Variants in TTBK1 observed in about 807,000 individuals in gnomAD.
The protein encoded by TTBK1 is tau tubulin kinase 1.
Under a neutral mutation model 108.5 loss-of-function variants are expected in TTBK1, and 34 were observed. The ratio of observed to expected loss-of-function variants is 0.31; its 90% CI spans 0.24 to 0.42. The LOEUF (loss-of-function observed/expected upper bound fraction) is 0.42, where lower values mean the gene tolerates loss of function less well. Ranked by LOEUF, TTBK1 falls within the 10% of genes least tolerant of loss-of-function variation. The pLI, the probability that TTBK1 is intolerant of heterozygous loss-of-function variation, is 1.00. For missense variants in TTBK1, 1,539 were observed against 1,826.0 expected (o/e 0.84, Z 2.86); for synonymous variants, 809 against 795.1 (o/e 1.02, Z -0.29).
In TTBK1 at chr6:43,246,778, T is replaced by C; in HGVS notation, c.108+10T>C. 2 of 1,602,718 alleles carry C rather than the reference T, an allele frequency of 1.2e-6. No individual in the cohort carries two copies. The highest frequency in any genetic ancestry group is 1.7e-6 in the Non-Finnish European group (2 of 1,173,518). On this transcript the variant is annotated intron_variant, in intron 2 of 14. Transcript: ENST00000259750. ...GGATCGCTGGAAGGTGGTGAGTGAGTGACCCGGCGGGACAGAGGGAGGGTA... is the reference window on the plus strand; with the variant it reads ...GGATCGCTGGAAGGTGGTGAGTGAGCGACCCGGCGGGACAGAGGGAGGGTA...
chr6:43,247,043 T>C (rs1777108327), intron 2 of TTBK1, among the ~76,000 whole-genome samples: 1 of 152,052 alleles, frequency 6.6e-6, no homozygotes. Flanking sequence ...GTTGGATGTC[T>C]GGGCAGGAGC....
intron 13 of TTBK1, chr6:43,271,712 G>A: frequency 7.1e-6 from 7 of 985,152 alleles, no homozygotes; most frequent in Non-Finnish European, 8.4e-6. Flanking sequence ...ATTCACATAA[G>A]CCACTCCATA....
At position 43,257,692 on chromosome 6, in the gene TTBK1, C is replaced by T. The variant is rs538518686; in HGVS notation, c.862-120C>T. 3 of 982,222 alleles carry T rather than the reference C, an allele frequency of 3.1e-6. No individual in the cohort carries two copies. The highest frequency in any genetic ancestry group is 4.6e-6 in the Non-Finnish European group (3 of 654,266). 60.8% of individuals were successfully genotyped at this position (982,222 alleles called of 1,614,324 possible). A position where few individuals can be genotyped will look rare whatever the true frequency, so the allele number is the denominator to read the frequency against. ...GCCGTTCTCCTTCCAATGCCCCCTC[C>T]AGGCCCATTCCTGTCCTGGAAAGTC... On this transcript the variant is annotated intron_variant, in intron 9 of 14. Transcript: ENST00000259750. The surrounding 1 kb of genome is among the most constrained non-coding windows in gnomAD (Gnocchi z 4.5).
chr6:43,285,494 C>G lies in TTBK1; in HGVS notation c.*118C>G. 1 of 1,208,646 alleles carries G rather than the reference C, an allele frequency of 8.3e-7. No individual in the cohort carries two copies. The allele number at this position is 1,208,646 out of a possible 1,614,324, so 74.9% of individuals were successfully genotyped here. A position where few individuals can be genotyped will look rare whatever the true frequency, so the allele number is the denominator to read the frequency against. The stretch of plus-strand genomic sequence containing the variant: ...CGCCCGACGCGCGCCACCCGCGGCC[C>G]CAGCTTTCCGCCTGCACCCGCGAGG... On this transcript the variant is annotated 3_prime_UTR_variant, in exon 15 of 15. Transcript: ENST00000259750. This position sits in a 1 kb window ranked among gnomAD's most constrained non-coding sequence, Gnocchi z 4.7.
chr6:43,248,552 A>G (rs1167511462), intron 2 of TTBK1, among the ~76,000 whole-genome samples: 2 of 152,168 alleles, frequency 1.3e-5, no homozygotes, highest in Non-Finnish European at 2.9e-5. Context: ...GTGAAACCTC[A>G]TCTCTACTAA....
At chr6:43,258,512 C>T (rs74636278) in intron 10 of TTBK1, among the ~76,000 whole-genome samples, 2,191 of 152,152 alleles carry the variant, frequency 0.014, 25 homozygotes, top group Non-Finnish European at 0.024. Context: ...GGAGACTTAA[C>T]AGGAGTTGGT....
intron 7 of TTBK1, 83 bp downstream of exon 7, chr6:43,255,197 G>GGGGGGGGGGGGGGGGGGC: frequency 1.6e-6 from 1 of 638,340 alleles, no homozygotes; most frequent in Non-Finnish European, 2.9e-6. Context: ...GAGGGGTGGG[G>GGGGGGGGGGGGGGGGGGC]AGAGGAGAGT....
intron 1 of TTBK1, among the ~76,000 whole-genome samples, chr6:43,246,225 C>G (rs1405389079): frequency 2.0e-5 from 3 of 152,162 alleles, no homozygotes; most frequent in Admixed American, 2.0e-4. Flanking sequence ...CATTTTGTGG[C>G]ACAGGGACTC....
In TTBK1 at chr6:43,283,652, T is replaced by A. The variant is rs139009983; in HGVS notation, c.2912T>A (p.Val971Glu). The change falls in exon 14 of 15, where the codon GTG (valine) becomes GAG (glutamate). Residue 971 changes from valine (V) to glutamate (E), a missense_variant. Physicochemically the swap from Val to Glu is moderately radical, Grantham distance 121 (BLOSUM62 -2). Around this residue, in one of 5 missense-constraint regions of TTBK1, gnomAD observed 1,055 missense variants for 1,086.5 expected, o/e 0.97. Coordinates refer to ENST00000259750, the MANE Select transcript of TTBK1 (RefSeq NM_032538.3). The surrounding 1 kb of genome is among the most constrained non-coding windows in gnomAD (Gnocchi z 8.1). The part of the protein sequence containing the change: ...GLELASDGGA[V>E]EEGARAPLEN... The stretch of plus-strand genomic sequence containing the variant: ...GAGCTGGCCTCTGATGGGGGCGCTG[T>A]GGAGGAGGGGGCCCGAGCGCCCCTG... 2.6e-5 allele frequency: 42 copies of A among 1,613,872 alleles called. No homozygotes were observed. The African/African-American group carries it at 5.5e-4, about 21-fold the overall frequency.
intron 2 of TTBK1, 64 bp downstream of exon 2, chr6:43,246,832 T>A: frequency 7.2e-7 from 1 of 1,384,320 alleles, no homozygotes; most frequent in Non-Finnish European, 1.0e-6. Flanking sequence ...ACCTGGAGAC[T>A]TGTTAAAACC....
At chr6:43,270,085 C>G in intron 13 of TTBK1, 1 of 1,406,384 alleles carries the variant, frequency 7.1e-7, no homozygotes, top group African/African-American at 1.5e-5. Context: ...ATACAGCCCC[C>G]CTAGAACGTT....
At chr6:43,245,808 TTC>T (rs1777069964) in intron 1 of TTBK1, among the ~76,000 whole-genome samples, 2 of 152,160 alleles carry the variant, frequency 1.3e-5, no homozygotes, top group Non-Finnish European at 2.9e-5. Context: ...AGACCTGCTG[TTC>T]TCTTTCACTT....
rs1487631793 is a variant in TTBK1 at position 43,263,421 on chromosome 6, T to C, written c.1986+71T>C. The C allele has an allele frequency of 1.4e-6, 2 of 1,383,778 alleles. No homozygotes were observed. Among genetic ancestry groups the C allele is most frequent in the South Asian group, 1.6e-5 (1 of 61,316 alleles). 85.7% of individuals were successfully genotyped at this position (1,383,778 alleles called of 1,614,324 possible). A position where few individuals can be genotyped will look rare whatever the true frequency, so the allele number is the denominator to read the frequency against. ...GTCCTGGTGTGTAGGCCTGGGGTGC[T>C]CCATGTGTGCTGGCACTACTGACCA... On this transcript the variant is annotated intron_variant, in intron 13 of 14. Coordinates refer to ENST00000259750, the MANE Select transcript of TTBK1 (RefSeq NM_032538.3). This position sits in a 1 kb window ranked among gnomAD's most constrained non-coding sequence, Gnocchi z 4.7.
intron 14 of TTBK1, 29 bp from the exon 15 acceptor site, chr6:43,284,954 C>A: frequency 6.7e-7 from 1 of 1,501,810 alleles, no homozygotes; most frequent in Non-Finnish European, 8.8e-7. Context: ...TTGCCCTCTT[C>A]TTTTCTCCTG....
intron 5 of TTBK1, among the ~76,000 whole-genome samples, chr6:43,254,324 T>C (rs1777326781): frequency 6.6e-6 from 1 of 152,270 alleles, no homozygotes; most frequent in South Asian, 2.1e-4. Context: ...CCTAAGCTCT[T>C]TGACCTTTAG....
intron 9 of TTBK1, among the ~76,000 whole-genome samples, chr6:43,256,675 G>T (rs963685293): frequency 6.6e-6 from 1 of 151,326 alleles, no homozygotes; most frequent in Middle Eastern, 3.4e-3. Flanking sequence ...GGAGGTGGAG[G>T]TTGCAGTGAG....
chr6:43,253,755 AC>A lies in TTBK1; in HGVS notation c.471+51del. The A allele has an allele frequency of 6.4e-7, 1 of 1,571,640 alleles. No individual in the cohort carries two copies. The highest frequency in any genetic ancestry group is 8.6e-7 in the Non-Finnish European group (1 of 1,158,300). On this transcript the variant is annotated intron_variant, in intron 5 of 14. Transcript: ENST00000259750. The surrounding 1 kb of genome is among the most constrained non-coding windows in gnomAD (Gnocchi z 5.8). ...CTCTCTGTTCCCTCCTCCAGAACACACCCCTAATTCTTTCCCTGGGTCTCCT... is the reference window on the plus strand; with the variant it reads ...CTCTCTGTTCCCTCCTCCAGAACACACCCTAATTCTTTCCCTGGGTCTCCT...
chr6:43,249,060 C>T (rs987739063), intron 2 of TTBK1, among the ~76,000 whole-genome samples: 3 of 152,028 alleles, frequency 2.0e-5, no homozygotes, highest in Non-Finnish European at 2.9e-5. Flanking sequence ...GCCAAATTTC[C>T]ATGACTAGTA....
At chr6:43,281,478 T>C (rs1778160555) in intron 13 of TTBK1, among the ~76,000 whole-genome samples, 1 of 151,308 alleles carries the variant, frequency 6.6e-6, no homozygotes, top group Non-Finnish European at 1.5e-5. Context: ...TTCAGGAAGA[T>C]CACTCAGGCA....
Sources: allele counts gnomAD v4.1 joint callset (sites outside exome capture counted in the v4.1 genomes callset), GRCh38; gene constraint gnomAD v4.1.1; regional missense constraint gnomAD v4.1.1; non-coding constraint Gnocchi (gnomAD v3.1); transcripts MANE v1.5; gene names NCBI Gene and HGNC (gene_info 2026-07-23, HGNC 2026-07-21).